Variants in NWD2 observed in about 807,000 individuals in gnomAD.
NWD2 encodes the protein NACHT and WD repeat domain containing 2, also known as NACHT and WD repeat domain-containing protein 2.
Under a neutral mutation model 132.7 loss-of-function variants are expected in NWD2, and 37 were observed. That is an observed-to-expected ratio of 0.28 (90% CI 0.21 to 0.37). The LOEUF (loss-of-function observed/expected upper bound fraction) is 0.37, where lower values mean the gene tolerates loss of function less well. NWD2 is among the 10% of genes least tolerant of loss of function. NWD2 has a pLI of 1.00. For synonymous variants in NWD2, 705 were observed against 803.0 expected (o/e 0.88, Z 2.06); for missense variants, 1,592 against 2,122.4 (o/e 0.75, Z 4.91).
chr4:37,297,993 G>A (rs1718533706), intron 1 of NWD2, among the ~76,000 whole-genome samples: 1 of 152,034 alleles, frequency 6.6e-6, no homozygotes, highest in Non-Finnish European at 1.5e-5. Flanking sequence ...ATGTTTCTTG[G>A]CCACTGCAAC....
At chr4:37,381,482 G>A (rs1202835196) in intron 3 of NWD2, among the ~76,000 whole-genome samples, 1 of 152,174 alleles carries the variant, frequency 6.6e-6, no homozygotes, top group Non-Finnish European at 1.5e-5. Flanking sequence ...AGTGCGAGGA[G>A]ATTAACATCT....
intron 1 of NWD2, among the ~76,000 whole-genome samples, chr4:37,312,574 A>G (rs2109281634): frequency 6.6e-6 from 1 of 151,074 alleles, no homozygotes; most frequent in South Asian, 2.1e-4. Context: ...GTCATCTGCA[A>G]ACAGGGACAA....
At chr4:37,252,971 T>G (rs151171087) in intron 1 of NWD2, among the ~76,000 whole-genome samples, 58 of 151,790 alleles carry the variant, frequency 3.8e-4, no homozygotes, top group African/African-American at 1.3e-3. Context: ...AAGGAGGAAT[T>G]AATAGTAGCT....
At chr4:37,370,987 C>A (rs928709809) in intron 3 of NWD2, among the ~76,000 whole-genome samples, 2 of 151,992 alleles carry the variant, frequency 1.3e-5, no homozygotes, top group Non-Finnish European at 2.9e-5. Context: ...TTACATACAC[C>A]CACACATTAA....
At chr4:37,441,300 A>G (rs1712478474) in intron 6 of NWD2, among the ~76,000 whole-genome samples, 2 of 152,212 alleles carry the variant, frequency 1.3e-5, no homozygotes, top group Non-Finnish European at 2.9e-5. Context: ...TGTATCTTCA[A>G]ACTTTAGAAT....
intron 2 of NWD2, among the ~76,000 whole-genome samples, chr4:37,348,154 A>G (rs1017991925): frequency 6.6e-6 from 1 of 152,188 alleles, no homozygotes; most frequent in Admixed American, 6.5e-5. Flanking sequence ...AAGCTGTGTG[A>G]TGCTCTGGTC....
intron 1 of NWD2, among the ~76,000 whole-genome samples, chr4:37,280,683 G>A (rs1473735783): frequency 6.6e-6 from 1 of 152,044 alleles, no homozygotes; most frequent in Non-Finnish European, 1.5e-5. Context: ...TTAAGAAAGG[G>A]GACTGTCAGC....
chr4:37,253,715 G>A (rs376830539), intron 1 of NWD2, among the ~76,000 whole-genome samples: 4 of 152,116 alleles, frequency 2.6e-5, no homozygotes, highest in African/African-American at 4.8e-5. Flanking sequence ...TTCTTAGCAC[G>A]GCCTTGGGAA....
At chr4:37,370,095 C>T (rs1422625192) in intron 3 of NWD2, among the ~76,000 whole-genome samples, 1 of 152,202 alleles carries the variant, frequency 6.6e-6, no homozygotes, top group Non-Finnish European at 1.5e-5. Flanking sequence ...AAACTACCTG[C>T]ACAACTATTC....
intron 1 of NWD2, among the ~76,000 whole-genome samples, chr4:37,290,960 G>A (rs1040299495): frequency 1.3e-5 from 2 of 152,184 alleles, no homozygotes; most frequent in East Asian, 1.9e-4. Context: ...ATATGACAAG[G>A]TTTTGGTTTA....
intron 2 of NWD2, among the ~76,000 whole-genome samples, chr4:37,340,540 TG>T (rs769532223): frequency 1.3e-5 from 2 of 152,044 alleles, no homozygotes; most frequent in Admixed American, 6.5e-5. Flanking sequence ...GTGACCAGGG[TG>T]GTGCTTGCAG....
At chr4:37,303,926 A>T (rs1427645396) in intron 1 of NWD2, among the ~76,000 whole-genome samples, 1 of 152,048 alleles carries the variant, frequency 6.6e-6, no homozygotes, top group African/African-American at 2.4e-5. Flanking sequence ...CATGCCTTTT[A>T]TTTTTTATCT....
intron 1 of NWD2, among the ~76,000 whole-genome samples, chr4:37,256,619 A>G (rs1717526054): frequency 1.3e-5 from 2 of 152,210 alleles, no homozygotes; most frequent in African/African-American, 4.8e-5. Context: ...AAAAAAAGAT[A>G]ATCTGCTACC....
chr4:37,371,938 A>G (rs1720236212), intron 3 of NWD2, among the ~76,000 whole-genome samples: 1 of 152,212 alleles, frequency 6.6e-6, no homozygotes, highest in Non-Finnish European at 1.5e-5. Context: ...AGTGTGAAAA[A>G]GGGAATGCAA....
intron 2 of NWD2, among the ~76,000 whole-genome samples, chr4:37,332,804 G>A (rs1196935451): frequency 6.6e-6 from 1 of 152,198 alleles, no homozygotes; most frequent in Non-Finnish European, 1.5e-5. Flanking sequence ...CCAGTTCCAG[G>A]CCTTGGCTCT....
intron 1 of NWD2, among the ~76,000 whole-genome samples, chr4:37,310,019 C>T (rs1420978857): frequency 6.6e-6 from 1 of 152,160 alleles, no homozygotes; most frequent in African/African-American, 2.4e-5. Flanking sequence ...TGAAGATACA[C>T]CTCTTTGGAG....
intron 3 of NWD2, among the ~76,000 whole-genome samples, chr4:37,403,748 T>C (rs747539077): frequency 4.6e-5 from 7 of 152,216 alleles, no homozygotes; most frequent in Non-Finnish European, 8.8e-5. Flanking sequence ...TGTGAAACAT[T>C]TCTGTAGGCA....
At chr4:37,266,680 C>A (rs749819461) in intron 1 of NWD2, among the ~76,000 whole-genome samples, 4 of 152,038 alleles carry the variant, frequency 2.6e-5, no homozygotes, top group Non-Finnish European at 5.9e-5. Context: ...TGTGACTTCT[C>A]AAACCCCATT....
At chr4:37,279,609 GTTT>G (rs1174098000) in intron 1 of NWD2, among the ~76,000 whole-genome samples, 1 of 152,138 alleles carries the variant, frequency 6.6e-6, no homozygotes, top group Admixed American at 6.5e-5. Flanking sequence ...TTAGTGACAT[GTTT>G]TTAAGTTTAT....
Sources: gnomAD v4.1 joint callset for allele counts (sites outside exome capture counted in the v4.1 genomes callset) on GRCh38, gnomAD v4.1.1 for gene constraint, MANE v1.5 for transcripts, NCBI Gene and HGNC (gene_info 2026-07-23, HGNC 2026-07-21) for gene names.